The following TRPM3 variants were observed in gnomAD, a reference collection of about 807,000 sequenced individuals.
TRPM3 encodes long transient receptor potential channel 3.
In TRPM3, 77 loss-of-function variants were observed where a neutral mutation model predicts 181.2. The observed-to-expected ratio is 0.42, with a 90% CI of 0.35 to 0.51. The LOEUF (loss-of-function observed/expected upper bound fraction) is 0.51. Among genes scored for constraint, TRPM3 ranks in the 20% least tolerant of loss-of-function variants. TRPM3 has a pLI of 0.01. For missense variants in TRPM3, 1,759 were observed against 2,196.7 expected, an observed-to-expected ratio of 0.80 and a Z score of 3.98; for synonymous variants, 745 against 796.4, an observed-to-expected ratio of 0.94 and a Z score of 1.09.
intron 1 of TRPM3, among the ~76,000 whole-genome samples, chr9:71,424,497 G>T (rs1588971469): frequency 6.6e-6 from 1 of 152,104 alleles, no homozygotes; most frequent in African/African-American, 2.4e-5. Context: ...CAGGTTAAAT[G>T]ATGTAAACAT....
Position 71,326,849 on chromosome 9 carries a change from G to T in TRPM3, c.183+119804C>A, listed in dbSNP as rs2089721858. 3.9e-5 allele frequency among the ~76,000 whole-genome samples: 6 copies of T among 152,290 alleles called. 1 individual carries two copies. In the South Asian group the frequency reaches 1.0e-3, roughly 26 times the overall value. On this transcript the variant is annotated intron_variant, in intron 1 of 24. Transcript: ENST00000357533. ...TCTAACACAGCAGAGGAGAAGCAGG[G>T]CTAGTGTCTCTGGTGCAGTTCCCAG...
At chr9:70,554,371 G>A (rs1267162255) in intron 22 of TRPM3, among the ~76,000 whole-genome samples, 1 of 152,150 alleles carries the variant, frequency 6.6e-6, no homozygotes, top group Non-Finnish European at 1.5e-5. Flanking sequence ...GCACCAAGAG[G>A]TCTCAGCAGT....
chr9:70,980,823 C>T (rs867234406), intron 1 of TRPM3, among the ~76,000 whole-genome samples: 13 of 152,074 alleles, frequency 8.5e-5, no homozygotes, highest in African/African-American at 1.7e-4. Flanking sequence ...GTGCTGTTTT[C>T]GCCTCATCTT....
intron 17 of TRPM3, among the ~76,000 whole-genome samples, chr9:70,617,268 G>A (rs75627559): frequency 0.067 from 10,208 of 152,216 alleles, 476 homozygotes; most frequent in Non-Finnish European, 0.11. Flanking sequence ...CGGGCTTGGC[G>A]GTCACCAGCA....
chr9:70,987,779 G>A (rs1254035909), intron 1 of TRPM3, among the ~76,000 whole-genome samples: 3 of 151,996 alleles, frequency 2.0e-5, no homozygotes, highest in Non-Finnish European at 2.9e-5. Flanking sequence ...ATCCTGGAAT[G>A]TCTTTGGAGG....
chr9:70,637,245 T>C (rs1398627303), intron 11 of TRPM3, among the ~76,000 whole-genome samples: 1 of 152,192 alleles, frequency 6.6e-6, no homozygotes, highest in Non-Finnish European at 1.5e-5. Flanking sequence ...ACAGTATCAC[T>C]TTATCTGATG....
chr9:71,103,945 C>T (rs954647709), intron 1 of TRPM3, among the ~76,000 whole-genome samples: 4 of 151,000 alleles, frequency 2.6e-5, no homozygotes, highest in Non-Finnish European at 1.5e-5. Context: ...GACAGAGTCT[C>T]GTTTTGTTGC....
At chr9:70,997,200 CT>C (rs967943497) in intron 1 of TRPM3, among the ~76,000 whole-genome samples, 183 of 151,532 alleles carry the variant, frequency 1.2e-3, no homozygotes, top group African/African-American at 4.1e-3. Flanking sequence ...TATCTTAATA[CT>C]TTTTTTTTGT....
intron 1 of TRPM3, among the ~76,000 whole-genome samples, chr9:71,430,472 A>G (rs2093937766): frequency 6.6e-6 from 1 of 152,206 alleles, no homozygotes; most frequent in Non-Finnish European, 1.5e-5. Context: ...ACTTGGCTTT[A>G]AAGCTGTAGT....
chr9:71,271,553 A>G (rs543255327), intron 1 of TRPM3, among the ~76,000 whole-genome samples: 122 of 152,048 alleles, frequency 8.0e-4, no homozygotes, highest in African/African-American at 2.8e-3. Context: ...TCTATGCAAG[A>G]TTAAGGAAAC....
At chr9:70,590,063 T>A (rs750262482) in intron 22 of TRPM3, among the ~76,000 whole-genome samples, 8 of 152,168 alleles carry the variant, frequency 5.3e-5, no homozygotes, top group Non-Finnish European at 1.2e-4. Context: ...AGCAAAAAAA[T>A]GTCTGAAAAA....
chr9:71,044,404 G>C (rs907257934), intron 1 of TRPM3, among the ~76,000 whole-genome samples: 1 of 152,118 alleles, frequency 6.6e-6, no homozygotes, highest in African/African-American at 2.4e-5. Context: ...TCAATTACTT[G>C]CCAAGTCTCA....
intron 1 of TRPM3, among the ~76,000 whole-genome samples, chr9:71,201,943 T>C (rs2078824019): frequency 6.6e-6 from 1 of 152,346 alleles, no homozygotes; most frequent in East Asian, 1.9e-4. Flanking sequence ...CTCTGTTTTT[T>C]CCCCATCTTT....
intron 1 of TRPM3, among the ~76,000 whole-genome samples, chr9:71,111,718 A>G (rs980149258): frequency 6.6e-6 from 1 of 152,232 alleles, no homozygotes; most frequent in Non-Finnish European, 1.5e-5. Flanking sequence ...TTTGTGGACT[A>G]GCACAATAGA....
intron 12 of TRPM3, among the ~76,000 whole-genome samples, chr9:70,633,188 T>C (rs2066213647): frequency 1.3e-5 from 2 of 152,138 alleles, no homozygotes; most frequent in Admixed American, 1.3e-4. Context: ...TAACTTAAGG[T>C]GAAGGAGAGA....
intron 1 of TRPM3, among the ~76,000 whole-genome samples, chr9:70,917,655 A>G (rs1350552226): frequency 6.6e-6 from 1 of 151,804 alleles, no homozygotes; most frequent in African/African-American, 2.4e-5. Context: ...ACACAAAAAT[A>G]AAAAGCAAGA....
At chr9:71,081,528 G>A (rs1036488510) in intron 1 of TRPM3, among the ~76,000 whole-genome samples, 3 of 152,172 alleles carry the variant, frequency 2.0e-5, no homozygotes, top group African/African-American at 7.2e-5. Context: ...TTTTTTGAGA[G>A]ACATAGAACA....
intron 1 of TRPM3, among the ~76,000 whole-genome samples, chr9:71,126,861 G>C (rs143483960): frequency 6.6e-6 from 1 of 152,158 alleles, no homozygotes; most frequent in Non-Finnish European, 1.5e-5. Context: ...TTCCATGATT[G>C]TACAGTTCTG....
intron 1 of TRPM3, among the ~76,000 whole-genome samples, chr9:71,279,108 G>A (rs1382317988): frequency 4.8e-5 from 7 of 146,110 alleles, no homozygotes; most frequent in South Asian, 4.4e-4. Context: ...TTCTTCAGTC[G>A]AATTGCTGAA....
Sources: gnomAD v4.1 joint callset for allele counts (sites outside exome capture counted in the v4.1 genomes callset) on GRCh38, gnomAD v4.1.1 for gene constraint, MANE v1.5 for transcripts, NCBI Gene and HGNC (gene_info 2026-07-23, HGNC 2026-07-21) for gene names.